PDE4D: variants seen among roughly 807,000 people sequenced by gnomAD.
PDE4D encodes the protein 3',5'-cyclic-AMP phosphodiesterase 4D.
Under a neutral mutation model 87.4 loss-of-function variants are expected in PDE4D, and 24 were observed. That is an observed-to-expected ratio of 0.27 (90% CI 0.20 to 0.39). The LOEUF (loss-of-function observed/expected upper bound fraction) is 0.39. Among genes scored for constraint, PDE4D ranks in the 10% least tolerant of loss-of-function variants. PDE4D has a pLI of 1.00. For synonymous variants in PDE4D, 384 were observed against 383.2 expected, an observed-to-expected ratio of 1.00 and a Z score of -0.02; for missense variants, 714 against 1,041.0, an observed-to-expected ratio of 0.69 and a Z score of 4.32.
At chr5:59,500,779 A>G (rs905902637) in intron 1 of PDE4D, among the ~76,000 whole-genome samples, 2 of 152,154 alleles carry the variant, frequency 1.3e-5, no homozygotes, top group African/African-American at 2.4e-5. Context: ...AGAAAATACA[A>G]TAAAGAGATC....
intron 2 of PDE4D, among the ~76,000 whole-genome samples, chr5:59,996,279 G>A (rs1398891731): frequency 2.6e-5 from 4 of 152,196 alleles, no homozygotes; most frequent in Non-Finnish European, 5.9e-5. Flanking sequence ...GGCAGAGGAT[G>A]TGTTTTGTTT....
intron 5 of PDE4D, among the ~76,000 whole-genome samples, chr5:59,107,123 T>TTG (rs1040218981): frequency 5.9e-5 from 9 of 151,884 alleles, no homozygotes; most frequent in African/African-American, 1.5e-4. Context: ...GTGTGTGTGC[T>TTG]TGTGTGTGTG....
chr5:59,651,300 T>G (rs1053240765), intron 1 of PDE4D, among the ~76,000 whole-genome samples: 2 of 147,270 alleles, frequency 1.4e-5, no homozygotes, highest in Non-Finnish European at 3.0e-5. Flanking sequence ...ATAATAATAA[T>G]AATAATTGCT....
chr5:59,597,629 GA>G (rs1247838266), intron 1 of PDE4D, among the ~76,000 whole-genome samples: 4 of 151,506 alleles, frequency 2.6e-5, no homozygotes, highest in African/African-American at 9.7e-5. Context: ...TCCTTTTTAG[GA>G]AAAAAAGGAT....
chr5:59,009,353 T>C (rs1465153092), intron 6 of PDE4D, among the ~76,000 whole-genome samples: 1 of 151,910 alleles, frequency 6.6e-6, no homozygotes, highest in Non-Finnish European at 1.5e-5. Context: ...GGTAAACAAA[T>C]TGTGTCCATA....
chr5:59,506,530 G>A (rs1582903859), intron 1 of PDE4D, among the ~76,000 whole-genome samples: 1 of 151,996 alleles, frequency 6.6e-6, no homozygotes, highest in South Asian at 2.1e-4. Context: ...GACTTCAAGA[G>A]TACTGAAAAA....
At chr5:58,976,689 G>T (rs1743878583) in intron 12 of PDE4D, among the ~76,000 whole-genome samples, 1 of 152,128 alleles carries the variant, frequency 6.6e-6, no homozygotes, top group Non-Finnish European at 1.5e-5. Context: ...GAAATGCTAG[G>T]CACTGACAAC....
At chr5:59,480,573 A>G (rs1804086642) in intron 1 of PDE4D, among the ~76,000 whole-genome samples, 1 of 152,102 alleles carries the variant, frequency 6.6e-6, no homozygotes, top group South Asian at 2.1e-4. Flanking sequence ...TCATCATGGC[A>G]TGTGGCCATG....
At chr5:60,096,351 T>C (rs992260976) in intron 2 of PDE4D, among the ~76,000 whole-genome samples, 33 of 152,100 alleles carry the variant, frequency 2.2e-4, no homozygotes, top group East Asian at 7.7e-4. Flanking sequence ...GAAAACTGGC[T>C]AGCCATATGC....
At chr5:59,883,269 G>A (rs1749707500) in intron 1 of PDE4D, among the ~76,000 whole-genome samples, 1 of 152,214 alleles carries the variant, frequency 6.6e-6, no homozygotes, top group African/African-American at 2.4e-5. Context: ...TTAATCTTAA[G>A]GACCAGAGAA....
chr5:60,107,684 G>C (rs1777154209), intron 2 of PDE4D, among the ~76,000 whole-genome samples: 1 of 152,096 alleles, frequency 6.6e-6, no homozygotes, highest in South Asian at 2.1e-4. Context: ...TTCATCCCTG[G>C]GATGCAAGGC....
intron 1 of PDE4D, chr5:59,768,460 T>C: frequency 6.3e-7 from 1 of 1,598,396 alleles, no homozygotes; most frequent in Non-Finnish European, 8.5e-7. Context: ...ACAATGCGGA[T>C]TATCCACTTC....
chr5:59,994,249 GA>G (rs1473578174), intron 2 of PDE4D, among the ~76,000 whole-genome samples: 4 of 151,542 alleles, frequency 2.6e-5, no homozygotes, highest in African/African-American at 9.7e-5. Context: ...TATATATAGA[GA>G]GGGGGGAGAA....
chr5:59,990,767 T>TA (rs930767041), intron 2 of PDE4D, among the ~76,000 whole-genome samples: 1 of 152,120 alleles, frequency 6.6e-6, no homozygotes, highest in African/African-American at 2.4e-5. Flanking sequence ...TTTTACCCAT[T>TA]AAAAAACCCA....
chr5:59,368,935 G>A (rs2153597608), intron 1 of PDE4D, among the ~76,000 whole-genome samples: 1 of 152,300 alleles, frequency 6.6e-6, no homozygotes, highest in South Asian at 2.1e-4. Flanking sequence ...AAAAAGCAAT[G>A]GCAACACCAA....
intron 1 of PDE4D, among the ~76,000 whole-genome samples, chr5:60,223,611 A>G (rs1157206235): frequency 6.6e-6 from 1 of 152,130 alleles, no homozygotes; most frequent in Non-Finnish European, 1.5e-5. Flanking sequence ...TGGAGCAGAC[A>G]CAATGGTTCT....
chr5:59,917,996 C>G (rs937337984), intron 3 of PDE4D, among the ~76,000 whole-genome samples: 2 of 151,944 alleles, frequency 1.3e-5, no homozygotes, highest in African/African-American at 4.8e-5. Flanking sequence ...TAAATTCAAT[C>G]AGTTGCTAAA....
At position 60,202,126 on chromosome 5, in the gene PDE4D, C is replaced by A. The variant is rs531242361; in HGVS notation, c.-89-16439G>T. On this transcript the variant is annotated intron_variant, in intron 1 of 16. Coordinates refer to the PDE4D transcript ENST00000502484. ...TTCTGAGCACTATATATGCCAGATG[C>A]TTTTCTAAGTGCATAAACTATGAAT... Among the ~76,000 whole-genome samples the A allele has an allele frequency of 5.9e-5, 9 of 152,214 alleles. No homozygotes were observed. In the East Asian group the frequency reaches 1.7e-3, roughly 29 times the overall value.
chr5:60,136,522 C>T (rs1239188703), intron 2 of PDE4D, among the ~76,000 whole-genome samples: 1 of 152,046 alleles, frequency 6.6e-6, no homozygotes, highest in African/African-American at 2.4e-5. Flanking sequence ...ACTATATTGG[C>T]CAGGCTAGTC....
Sources: allele counts gnomAD v4.1 joint callset (sites outside exome capture counted in the v4.1 genomes callset), GRCh38; gene constraint gnomAD v4.1.1; transcripts MANE v1.5; gene names NCBI Gene and HGNC (gene_info 2026-07-23, HGNC 2026-07-21).